The following EPS15 variants were observed in gnomAD, a reference collection of about 807,000 sequenced individuals.
EPS15 encodes epidermal growth factor receptor substrate 15.
Under a neutral mutation model 113.8 loss-of-function variants are expected in EPS15, and 72 were observed. That is an observed-to-expected ratio of 0.63 (90% confidence interval 0.52 to 0.77). The LOEUF (loss-of-function observed/expected upper bound fraction) is 0.77. EPS15 is among the 30% of genes least tolerant of loss of function. The pLI is 0.00. For synonymous variants in EPS15, 344 were observed against 363.4 expected, an observed-to-expected ratio of 0.95 and a Z score of 0.61; for missense variants, 1,048 against 1,045.8, an observed-to-expected ratio of 1.00 and a Z score of -0.03.
Position 51,403,481 on chromosome 1 carries a change from C to G in EPS15, c.1729G>C (p.Val577Leu), listed in dbSNP as rs145576444. The G allele has an allele frequency of 6.2e-7, 1 of 1,609,960 alleles. No homozygotes were observed. Among genetic ancestry groups the G allele is most frequent in the South Asian group, 1.1e-5 (1 of 90,146 alleles). Residue 577 changes from valine (V) to leucine (L), a missense_variant, in exon 17 of 25, where the codon GTG becomes CTG. By Grantham distance (32) the Val-to-Leu change is conservative (BLOSUM62 1). Transcript: ENST00000371733. Reference protein sequence around the residue: ...LPSGVTDENEVTTAVTEKVCS... With the variant: ...LPSGVTDENELTTAVTEKVCS... ...ACTTTTTCAGTAACAGCTGTAGTCA[C>G]CTCATTTTCATCAGTCACACCAGAA...
chr1:51,511,770 C>T (rs1049166894), intron 1 of EPS15, among the ~76,000 whole-genome samples: 4 of 152,146 alleles, frequency 2.6e-5, no homozygotes, highest in Admixed American at 1.3e-4. Context: ...GTAATATAAA[C>T]GTCTTCCTCC....
chr1:51,421,900 A>G, intron 12 of EPS15, 42 bp from the exon 13 acceptor site: 1 of 1,609,080 alleles, frequency 6.2e-7, no homozygotes, highest in South Asian at 1.1e-5. Context: ...TTAGAACATC[A>G]GCTACAGCTG....
intron 12 of EPS15, among the ~76,000 whole-genome samples, chr1:51,425,851 C>G (rs528211108): frequency 2.0e-5 from 3 of 152,162 alleles, no homozygotes; most frequent in Non-Finnish European, 4.4e-5. Context: ...ATTAACATTA[C>G]TTAGAATTTT....
intron 11 of EPS15, 142 bp downstream of exon 11, chr1:51,444,747 A>G: frequency 1.4e-6 from 1 of 737,404 alleles, no homozygotes; most frequent in Non-Finnish European, 2.1e-6. Flanking sequence ...TTATAGGCAC[A>G]AACTAAACCA....
intron 1 of EPS15, 44 bp downstream of exon 1, chr1:51,519,155 G>A: frequency 7.2e-7 from 1 of 1,384,644 alleles, no homozygotes; most frequent in Non-Finnish European, 9.6e-7. Flanking sequence ...GTGGGGGAGG[G>A]GGCACCGGCC....
chr1:51,398,317 T>C (rs1035034359), intron 20 of EPS15, among the ~76,000 whole-genome samples: 5 of 152,140 alleles, frequency 3.3e-5, no homozygotes, highest in Non-Finnish European at 2.9e-5. Context: ...CCTCCCAAAG[T>C]GCTGGGATTA....
Position 51,365,987 on chromosome 1 carries a change from C to T in EPS15, c.2162G>A (p.Gly721Glu), listed in dbSNP as rs779338224. Reference protein sequence around the residue: ...FASVFGNESFGGGFADFSTLS... With the variant: ...FASVFGNESFEGGFADFSTLS... ...TGTGCTGAAGTCAGCAAATCCACCTCCAAATGATTCATTCCCAAAAACAGA... is the reference window on the plus strand; with the variant it reads ...TGTGCTGAAGTCAGCAAATCCACCTTCAAATGATTCATTCCCAAAAACAGA... The change falls in exon 22 of 25, where the codon GGA (glycine) becomes GAA (glutamate). Residue 721 changes from glycine to glutamate, a missense_variant. By Grantham distance (98) the Gly-to-Glu change is moderately conservative. Transcript: ENST00000371733. 5.6e-6 allele frequency: 9 copies of T among 1,613,042 alleles called. No individual in the cohort carries two copies. The African/African-American group carries it at 8.0e-5, about 14-fold the overall frequency.
chr1:51,391,141 A>G (rs1647312076), intron 21 of EPS15, among the ~76,000 whole-genome samples: 1 of 152,244 alleles, frequency 6.6e-6, no homozygotes, highest in Non-Finnish European at 1.5e-5. Flanking sequence ...GCCATAAAAA[A>G]TGATGAGTTC....
intron 21 of EPS15, among the ~76,000 whole-genome samples, chr1:51,387,936 C>A (rs201817032): frequency 6.6e-6 from 1 of 152,082 alleles, no homozygotes; most frequent in African/African-American, 2.4e-5. Context: ...AAAAGGATAT[C>A]CAGGAATTGA....
intron 21 of EPS15, among the ~76,000 whole-genome samples, chr1:51,368,938 T>C (rs566876162): frequency 3.9e-5 from 6 of 151,918 alleles, no homozygotes; most frequent in Non-Finnish European, 7.4e-5. Flanking sequence ...ACAGCCTGAG[T>C]GGGGTGAAGA....
intron 12 of EPS15, among the ~76,000 whole-genome samples, chr1:51,428,830 A>AT (rs2148459120): frequency 6.6e-6 from 1 of 150,650 alleles, no homozygotes; most frequent in East Asian, 1.9e-4. Context: ...CCATCTCAAA[A>AT]AAAAAAAAAA....
intron 1 of EPS15, among the ~76,000 whole-genome samples, chr1:51,485,003 C>T (rs1396808592): frequency 1.3e-5 from 2 of 152,134 alleles, no homozygotes; most frequent in African/African-American, 4.8e-5. Flanking sequence ...ATTTCATAAG[C>T]CTTTTCAGGA....
chr1:51,399,256 A>G, intron 19 of EPS15, 91 bp from the exon 20 acceptor site: 1 of 1,267,750 alleles, frequency 7.9e-7, no homozygotes, highest in South Asian at 1.4e-5. Flanking sequence ...GCCTTAATTA[A>G]AAGACAGTCT....
intron 1 of EPS15, among the ~76,000 whole-genome samples, chr1:51,488,731 C>T (rs1644173228): frequency 6.6e-6 from 1 of 151,878 alleles, no homozygotes; most frequent in Non-Finnish European, 1.5e-5. Context: ...GCCACTACAC[C>T]CAGCCTCTCC....
chr1:51,411,589 A>G (rs1334987811), intron 13 of EPS15, among the ~76,000 whole-genome samples: 1 of 152,240 alleles, frequency 6.6e-6, no homozygotes, highest in Non-Finnish European at 1.5e-5. Flanking sequence ...TTTAAATCTT[A>G]GTTAAATATG....
chr1:51,356,633 C>A lies in EPS15; in HGVS notation c.*67G>T. ...CATGCTCACAGGTAGTTTTGATACA[C>A]ATTGTAAATAGTTTCAGTATTCAGG... is the stretch of plus-strand genomic sequence containing the variant. On this transcript the variant is annotated 3_prime_UTR_variant, in exon 25 of 25. Transcript: ENST00000371733. 1.4e-6 allele frequency: 2 copies of A among 1,386,360 alleles called. No homozygotes were observed. The highest frequency in any genetic ancestry group is 2.0e-6 in the Non-Finnish European group (2 of 1,004,760). The allele number at this position is 1,386,360 out of a possible 1,614,324, so 85.9% of individuals were successfully genotyped here.
At chr1:51,408,101 A>C (rs1481576946) in intron 15 of EPS15, 34 bp downstream of exon 15, 9 of 1,563,074 alleles carry the variant, frequency 5.8e-6, no homozygotes, top group Non-Finnish European at 7.9e-6. Context: ...CAGAGGATCC[A>C]TTTGAATATA....
At chr1:51,423,297 C>G (rs1231515101) in intron 12 of EPS15, 1 of 1,284,032 alleles carries the variant, frequency 7.8e-7, no homozygotes, top group Non-Finnish European at 1.0e-6. Flanking sequence ...CCCGATCCTT[C>G]CATACCTCAA....
At chr1:51,384,269 C>G (rs1255771454) in intron 21 of EPS15, among the ~76,000 whole-genome samples, 1 of 150,148 alleles carries the variant, frequency 6.7e-6, no homozygotes, top group East Asian at 1.9e-4. Flanking sequence ...CCTGAATAGC[C>G]AAAGCAGTCT....
Sources: allele counts gnomAD v4.1 joint callset (sites outside exome capture counted in the v4.1 genomes callset), GRCh38; gene constraint gnomAD v4.1.1; transcripts MANE v1.5; gene names NCBI Gene and HGNC (gene_info 2026-07-23, HGNC 2026-07-21).